The following SRBD1 variants were observed in gnomAD, a reference collection of about 807,000 sequenced individuals.
The protein encoded by SRBD1 is S1 RNA binding domain 1.
In SRBD1, 88 loss-of-function variants were observed where a neutral mutation model predicts 115.3. The ratio of observed to expected loss-of-function variants is 0.76; its 90% confidence interval spans 0.64 to 0.91. The LOEUF is 0.91. Ranked by LOEUF, SRBD1 falls within the 40% of genes least tolerant of loss-of-function variation. The pLI is 0.00. For synonymous variants in SRBD1, 509 were observed against 407.7 expected, an observed-to-expected ratio of 1.25 and a Z score of -2.99; for missense variants, 1,385 against 1,177.4, an observed-to-expected ratio of 1.18 and a Z score of -2.58.
intron 16 of SRBD1, among the ~76,000 whole-genome samples, chr2:45,439,890 C>G (rs1441398037): frequency 6.6e-6 from 1 of 152,112 alleles, no homozygotes; most frequent in Non-Finnish European, 1.5e-5. Flanking sequence ...CCCTTAACAT[C>G]TGTCTCTCGG....
intron 16 of SRBD1, among the ~76,000 whole-genome samples, chr2:45,434,148 T>A (rs1668420027): frequency 6.6e-6 from 1 of 152,234 alleles, no homozygotes; most frequent in African/African-American, 2.4e-5. Context: ...GAACCTATTA[T>A]CAATTATCAA....
rs537926369 is a variant in SRBD1 at position 45,562,561 on chromosome 2, A to G, written c.1409+92T>C. ...ACTGGCTTTTTAAAAATGTTCACGT[A>G]ATAGACATCTTTACATATCAGTACA... On this transcript the variant is annotated intron_variant, in intron 10 of 20. Transcript: ENST00000263736. The G allele has an allele frequency of 1.5e-4, 146 of 1,003,144 alleles. No homozygotes were observed. The African/African-American group carries it at 2.3e-3, about 16-fold the overall frequency. The allele number at this position is 1,003,144 out of a possible 1,614,324, so 62.1% of individuals were successfully genotyped here.
chr2:45,459,373 C>T (rs920687430), intron 16 of SRBD1, among the ~76,000 whole-genome samples: 1 of 152,128 alleles, frequency 6.6e-6, no homozygotes, highest in African/African-American at 2.4e-5. Flanking sequence ...CACAGCAACG[C>T]TGCCACTCTC....
intron 14 of SRBD1, among the ~76,000 whole-genome samples, chr2:45,524,715 A>G (rs1416993649): frequency 6.6e-6 from 1 of 151,970 alleles, no homozygotes; most frequent in African/African-American, 2.4e-5. Context: ...AAGGACAATA[A>G]TCCCCAAACT....
intron 14 of SRBD1, among the ~76,000 whole-genome samples, chr2:45,541,243 G>A (rs1422232664): frequency 1.3e-5 from 2 of 152,354 alleles, no homozygotes; most frequent in African/African-American, 2.4e-5. Flanking sequence ...ACATCTGGAC[G>A]AGGGGAACAC....
At chr2:45,391,251 T>G (rs1230404256) in intron 20 of SRBD1, among the ~76,000 whole-genome samples, 1 of 152,202 alleles carries the variant, frequency 6.6e-6, no homozygotes, top group African/African-American at 2.4e-5. Flanking sequence ...ACTTTAACAC[T>G]TTCATAGCCA....
At chr2:45,545,692 A>T (rs1672094730) in intron 14 of SRBD1, among the ~76,000 whole-genome samples, 1 of 152,142 alleles carries the variant, frequency 6.6e-6, no homozygotes, top group South Asian at 2.1e-4. Context: ...AGAGGGAAAA[A>T]TTCTGCAGTG....
chr2:45,573,403 A>T (rs1263264120), intron 8 of SRBD1, 61 bp from the exon 9 acceptor site: 1 of 1,533,160 alleles, frequency 6.5e-7, no homozygotes, highest in Non-Finnish European at 8.7e-7. Context: ...TTAGTAAAGA[A>T]TATATAGAAA....
intron 17 of SRBD1, among the ~76,000 whole-genome samples, chr2:45,418,884 T>C (rs752348575): frequency 6.6e-6 from 1 of 152,178 alleles, no homozygotes; most frequent in Non-Finnish European, 1.5e-5. Flanking sequence ...ATTTTGCCTA[T>C]TTTTTTCAGC....
chr2:45,535,351 T>A (rs555617212), intron 14 of SRBD1, among the ~76,000 whole-genome samples: 15 of 152,120 alleles, frequency 9.9e-5, no homozygotes, highest in African/African-American at 3.4e-4. Context: ...GACCAAAATG[T>A]TTTATTTGTA....
intron 19 of SRBD1, among the ~76,000 whole-genome samples, chr2:45,406,365 A>T (rs1472757417): frequency 6.6e-6 from 1 of 152,238 alleles, no homozygotes; most frequent in Non-Finnish European, 1.5e-5. Flanking sequence ...GAAGACACTG[A>T]AACAAGTAAA....
chr2:45,409,648 A>G (rs1434771288), intron 19 of SRBD1, among the ~76,000 whole-genome samples: 1 of 152,192 alleles, frequency 6.6e-6, no homozygotes, highest in Non-Finnish European at 1.5e-5. Flanking sequence ...ACAAATACCT[A>G]GTAGAACTAG....
chr2:45,566,617 G>A (rs1221712964), intron 9 of SRBD1, among the ~76,000 whole-genome samples: 2 of 152,118 alleles, frequency 1.3e-5, no homozygotes, highest in Admixed American at 6.5e-5. Flanking sequence ...GTGAATTTAC[G>A]AAAAACCATT....
intron 16 of SRBD1, among the ~76,000 whole-genome samples, chr2:45,466,997 G>A (rs956145986): frequency 1.1e-4 from 16 of 152,146 alleles, no homozygotes; most frequent in African/African-American, 3.6e-4. Flanking sequence ...TTAACAAAGG[G>A]ATTTTATATG....
chr2:45,553,688 G>A lies in SRBD1; in HGVS notation c.1452C>T (p.Ile484=). 1 of 1,608,438 alleles carries A rather than the reference G, an allele frequency of 6.2e-7. No homozygotes were observed. The change falls in exon 11 of 21, where the codon ATC becomes ATT. Residue 484 remains isoleucine, a synonymous_variant. Coordinates refer to ENST00000263736, the MANE Select transcript of SRBD1 (RefSeq NM_018079.5). ...AGGAATCATTCAGTGAATTATATAA[G>A]ATCTTCATTAACTCTGGCCTTGCAA... ...RSFARPELMK[I]LYNSLNDSFK... is the part of the protein sequence containing the mutation.
intron 10 of SRBD1, among the ~76,000 whole-genome samples, chr2:45,556,779 G>A (rs1672492141): frequency 6.6e-6 from 1 of 152,084 alleles, no homozygotes; most frequent in Non-Finnish European, 1.5e-5. Context: ...TATGTTCATG[G>A]TGGATTTACT....
At chr2:45,406,831 C>T (rs181771788) in intron 19 of SRBD1, among the ~76,000 whole-genome samples, 3 of 151,458 alleles carry the variant, frequency 2.0e-5, no homozygotes, top group Non-Finnish European at 2.9e-5. Flanking sequence ...ATTTCAGCCA[C>T]GTGATGATAG....
At position 45,429,639 on chromosome 2, in the gene SRBD1, G is replaced by A. The variant is rs149918550; in HGVS notation, c.2050-9745C>T. On this transcript the variant is annotated intron_variant, in intron 16 of 20. Transcript: ENST00000263736. Reference sequence around the variant, plus strand: ...TTAATAAACTAGGTATTTATGCAACGTATCTCAAAATAATAAGAGCTGTTT... The same window carrying A: ...TTAATAAACTAGGTATTTATGCAACATATCTCAAAATAATAAGAGCTGTTT... Among the ~76,000 whole-genome samples the A allele has an allele frequency of 5.5e-3, 833 of 152,198 alleles. 6 individuals carry two copies. The highest frequency in any genetic ancestry group is 0.019 in the African/African-American group (781 of 41,518).
chr2:45,452,400 A>G (rs1248285009), intron 16 of SRBD1, among the ~76,000 whole-genome samples: 1 of 151,992 alleles, frequency 6.6e-6, no homozygotes, highest in Non-Finnish European at 1.5e-5. Context: ...AGTGCCCCCA[A>G]GTAAGCATCT....
Sources: gnomAD v4.1 joint callset for allele counts (sites outside exome capture counted in the v4.1 genomes callset) on GRCh38, gnomAD v4.1.1 for gene constraint, MANE v1.5 for transcripts, NCBI Gene and HGNC (gene_info 2026-07-23, HGNC 2026-07-21) for gene names.